Variants in SETD2 observed in about 807,000 individuals in gnomAD.
SETD2 encodes the protein SET domain containing 2, histone lysine methyltransferase.
A neutral mutation model predicts 242.1 loss-of-function variants in SETD2; 31 were observed. That is an observed-to-expected ratio of 0.13 (90% CI 0.10 to 0.17). The LOEUF is 0.17. Among genes scored for constraint, SETD2 ranks in the 10% least tolerant of loss-of-function variants. The pLI, the probability that SETD2 is intolerant of heterozygous loss-of-function variation, is 1.00. For synonymous variants in SETD2, 1,006 were observed against 1,066.5 expected, an observed-to-expected ratio of 0.94 and a Z score of 1.11; for missense variants, 2,481 against 3,046.3, an observed-to-expected ratio of 0.81 and a Z score of 4.37.
chr3:47,120,860 C>T lies in SETD2; in HGVS notation c.3776G>A (p.Gly1259Asp), dbSNP rs779260778. 4.3e-6 allele frequency: 7 copies of T among 1,614,092 alleles called. No individual in the cohort carries two copies. Among genetic ancestry groups the T allele is most frequent in the Non-Finnish European group, 5.9e-6 (7 of 1,180,046 alleles). The stretch of plus-strand genomic sequence containing the variant: ...AGGCTTTTCTTGAGAGAAGTCCCAA[C>T]CTAAGTTTCTGAGCTCTTCTGATGA... The part of the protein sequence containing the change: ...LHSSEELRNL[G>D]WDFSQEKPST... The change falls in exon 3 of 21, where the codon GGT becomes GAT. Residue 1259 changes from glycine (G) to aspartate (D), a missense_variant. Gly to Asp is a moderately conservative substitution (Grantham distance 94, BLOSUM62 -1). Transcript: ENST00000409792.
chr3:47,017,536 CAAGAA>C lies in SETD2; in HGVS notation c.7533+97_7533+101del. On this transcript the variant is annotated intron_variant, in intron 20 of 20. Coordinates refer to ENST00000409792, the MANE Select transcript of SETD2 (RefSeq NM_014159.7). This position sits in a 1 kb window ranked among gnomAD's most constrained non-coding sequence, Gnocchi z 4.8. ...CTGGGTCCCCAGCTCTGACATCTGA[CAAGAA>C]AAAAAAAAATACTTTCTATGATGAA... 1 of 931,872 alleles carries C rather than the reference CAAGAA, an allele frequency of 1.1e-6. No homozygotes were observed. Among genetic ancestry groups the C allele is most frequent in the Non-Finnish European group, 1.7e-6 (1 of 599,656 alleles). 57.7% of individuals were successfully genotyped at this position (931,872 alleles called of 1,614,324 possible).
At chr3:47,020,911 A>G (rs1393609125) in intron 18 of SETD2, among the ~76,000 whole-genome samples, 1 of 152,202 alleles carries the variant, frequency 6.6e-6, no homozygotes, top group African/African-American at 2.4e-5. Context: ...CCTTGGCTTT[A>G]GGCTGTTACA....
Position 47,123,840 on chromosome 3 carries a change from G to A in SETD2, c.796C>T (p.His266Tyr). The A allele has an allele frequency of 2.6e-6, 4 of 1,548,386 alleles. No individual in the cohort carries two copies. Among genetic ancestry groups the A allele is most frequent in the East Asian group, 2.4e-5 (1 of 40,890 alleles). Residue 266 changes from histidine (H) to tyrosine (Y), a missense_variant, in exon 3 of 21, where the codon CAC (histidine) becomes TAC (tyrosine). Coordinates refer to ENST00000409792, the MANE Select transcript of SETD2 (RefSeq NM_014159.7). ...TGCTCATTCAATATTTGAGTTACGTGTTCTTCTAAACTATTAGATATAGTG... is the reference window on the plus strand; with the variant it reads ...TGCTCATTCAATATTTGAGTTACGTATTCTTCTAAACTATTAGATATAGTG... The part of the protein sequence containing the change: ...QDTISNSLEE[H>Y]VTQILNEQAD...
rs774810866 is a variant in SETD2, at chr3:47,056,881, T to C, written c.6903A>G (p.Thr2301=). 4 of 1,613,804 alleles carry C rather than the reference T, an allele frequency of 2.5e-6. No homozygotes were observed. Among genetic ancestry groups the C allele is most frequent in the African/African-American group, 2.7e-5 (2 of 74,938 alleles). Residue 2301 remains threonine, a synonymous_variant, in exon 15 of 21, where the codon ACA becomes ACG. Coordinates refer to ENST00000409792, the MANE Select transcript of SETD2 (RefSeq NM_014159.7). The part of the protein sequence containing the change: ...SQATIYYQGQ[T]CPTVYGVTSP... ...ATGTCACACCATAGACTGTTGGACA[T>C]GTCTGTCCTTGATAATATATGGTTG...
rs142899262 is a variant in SETD2, at chr3:47,048,958, G to A, written c.6964-2337C>T. Among the ~76,000 whole-genome samples the A allele has an allele frequency of 2.9e-3, 438 of 151,958 alleles. 3 individuals are homozygous for A. Among genetic ancestry groups the A allele is most frequent in the African/African-American group, 9.8e-3 (406 of 41,448 alleles). ...TGGGATTACAGGTGTGAGCCACCGT[G>A]CCTGGCCTATATTTTTTTTAAAAAA... On this transcript the variant is annotated intron_variant, in intron 15 of 20. Transcript: ENST00000409792.
Position 47,122,770 on chromosome 3 carries a change from A to G in SETD2, c.1866T>C (p.Asn622=), listed in dbSNP as rs116736613. The G allele has an allele frequency of 1.2e-5, 19 of 1,610,642 alleles. No homozygotes were observed. In the East Asian group the frequency reaches 3.6e-4, roughly 30 times the overall value. The change falls in exon 3 of 21, where the codon AAT becomes AAC. Residue 622 remains asparagine (N), a synonymous_variant. Coordinates refer to ENST00000409792, the MANE Select transcript of SETD2 (RefSeq NM_014159.7). ...AGSPAPSNRL[N]DSPTLKKLDE... is the part of the protein sequence containing the mutation. ...CTAGCTTTTTTAAAGTAGGTGAATC[A>G]TTTAATCGATTTGATGGAGCTGGAG... is the stretch of plus-strand genomic sequence containing the variant.
chr3:47,116,540 A>G (rs1169656763), intron 4 of SETD2, 83 bp downstream of exon 4: 3 of 1,431,302 alleles, frequency 2.1e-6, no homozygotes, highest in African/African-American at 2.9e-5. Flanking sequence ...GAAAGGTTAA[A>G]TTTTATTCTT....
chr3:47,045,857 G>A (rs57031438), intron 16 of SETD2, among the ~76,000 whole-genome samples: 1 of 146,698 alleles, frequency 6.8e-6, no homozygotes, highest in Admixed American at 6.8e-5. Flanking sequence ...CTCACTGCAA[G>A]CTCCGCCTCC....
chr3:47,160,930 G>A (rs544893592), intron 1 of SETD2, among the ~76,000 whole-genome samples: 15 of 152,268 alleles, frequency 9.9e-5, no homozygotes, highest in South Asian at 4.1e-4. Context: ...CCTCTATGCT[G>A]CTGAATAAAA....
At chr3:47,063,944 C>T (rs187100694) in intron 13 of SETD2, among the ~76,000 whole-genome samples, 2 of 151,788 alleles carry the variant, frequency 1.3e-5, no homozygotes, top group African/African-American at 4.8e-5. Context: ...GATCGCGCCA[C>T]TGCATTCCAG....
At chr3:47,144,305 G>C (rs1051402838) in intron 1 of SETD2, among the ~76,000 whole-genome samples, 2 of 152,098 alleles carry the variant, frequency 1.3e-5, no homozygotes, top group African/African-American at 4.8e-5. Context: ...ACCAGCCTGG[G>C]CAGCACTGTG....
rs2106659709 is a variant in SETD2, at chr3:47,121,750, A to C, written c.2886T>G (p.Ala962=). ...NGLSGKCLQE[A]QEEGNSILPE... is the part of the protein sequence containing the mutation. ...GCAATATGGAATTCCCTTCTTCTTG[A>C]GCCTCTTGCAAACATTTCCCAGATA... Residue 962 remains alanine (A), a synonymous_variant, in exon 3 of 21, where the codon GCT becomes GCG. Transcript: ENST00000409792. 1 of 1,614,084 alleles carries C rather than the reference A, an allele frequency of 6.2e-7. No homozygotes were observed.
intron 1 of SETD2, among the ~76,000 whole-genome samples, chr3:47,132,793 T>C (rs1324996324): frequency 6.6e-6 from 1 of 152,224 alleles, no homozygotes; most frequent in African/African-American, 2.4e-5. Flanking sequence ...TTGAGTGTAG[T>C]ATAGGCCTCA....
chr3:47,061,855 T>C (rs1360938076), intron 14 of SETD2, among the ~76,000 whole-genome samples: 1 of 152,208 alleles, frequency 6.6e-6, no homozygotes, highest in Non-Finnish European at 1.5e-5. Flanking sequence ...ACCATTATCT[T>C]TGAAGACTTA....
intron 9 of SETD2, among the ~76,000 whole-genome samples, chr3:47,090,224 G>A (rs1305596424): frequency 1.3e-5 from 2 of 151,984 alleles, no homozygotes; most frequent in African/African-American, 4.8e-5. Flanking sequence ...TCTAGCCTGA[G>A]CGACAGAGTG....
chr3:47,111,079 TAAAAA>T (rs10672755), intron 5 of SETD2, among the ~76,000 whole-genome samples: 2 of 78,816 alleles, frequency 2.5e-5, no homozygotes, highest in East Asian at 4.6e-4. Flanking sequence ...GTGGTTCCTT[TAAAAA>T]AAAAAAAAAA....
At chr3:47,059,108 C>CT (rs111615859) in intron 14 of SETD2, among the ~76,000 whole-genome samples, 1,900 of 104,088 alleles carry the variant, frequency 0.018, 25 homozygotes, top group Middle Eastern at 0.037. Flanking sequence ...CACGCCTGGC[C>CT]TTTTTTTTTT....
At chr3:47,063,962 G>A (rs563521721) in intron 13 of SETD2, among the ~76,000 whole-genome samples, 67 of 146,362 alleles carry the variant, frequency 4.6e-4, no homozygotes, top group African/African-American at 1.5e-3. Flanking sequence ...CAGCCTGGGC[G>A]ACAGAGCTAG....
At chr3:47,106,177 T>C (rs2042412911) in intron 5 of SETD2, 57 bp from the exon 6 acceptor site, 1 of 1,502,674 alleles carries the variant, frequency 6.7e-7, no homozygotes, top group Non-Finnish European at 9.1e-7. Context: ...AGGGAAAACA[T>C]ATATGCTCAG....
Sources: gnomAD v4.1 joint callset for allele counts (sites outside exome capture counted in the v4.1 genomes callset) on GRCh38, gnomAD v4.1.1 for gene constraint, Gnocchi (gnomAD v3.1) non-coding constraint, MANE v1.5 for transcripts, NCBI Gene and HGNC (gene_info 2026-07-23, HGNC 2026-07-21) for gene names.